The following NEK11 variants were observed in gnomAD, a reference collection of about 807,000 sequenced individuals.
NEK11 encodes NIMA related kinase 11.
A neutral mutation model predicts 80.7 loss-of-function variants in NEK11; 72 were observed. The observed-to-expected ratio is 0.89, with a 90% CI of 0.74 to 1.08. The LOEUF (loss-of-function observed/expected upper bound fraction) is 1.08, where lower values mean the gene tolerates loss of function less well. NEK11 is among the 50% of genes least tolerant of loss of function. The pLI is 0.00. For missense variants in NEK11, 764 were observed against 763.6 expected, an observed-to-expected ratio of 1.00 and a Z score of -0.01; for synonymous variants, 251 against 260.7, an observed-to-expected ratio of 0.96 and a Z score of 0.36.
At chr3:131,332,009 C>A (rs2097095679) in intron 17 of NEK11, among the ~76,000 whole-genome samples, 1 of 152,228 alleles carries the variant, frequency 6.6e-6, no homozygotes, top group Non-Finnish European at 1.5e-5. Flanking sequence ...GGCCTGCCTG[C>A]CTCTGTAGGC....
At chr3:131,273,372 A>G (rs966623298) in intron 16 of NEK11, 106 bp from the exon 17 acceptor site, 125 of 730,080 alleles carry the variant, frequency 1.7e-4, no homozygotes, top group Non-Finnish European at 2.9e-4. Flanking sequence ...TAGCATTACC[A>G]TGTGGCAAAG....
At chr3:131,030,642 C>A (rs950017334) in intron 3 of NEK11, among the ~76,000 whole-genome samples, 1 of 152,124 alleles carries the variant, frequency 6.6e-6, no homozygotes, top group Non-Finnish European at 1.5e-5. Context: ...TTTCAAATTC[C>A]GTAGTCAGAA....
chr3:131,052,617 A>G (rs377299131), intron 3 of NEK11, among the ~76,000 whole-genome samples: 3 of 152,172 alleles, frequency 2.0e-5, no homozygotes, highest in African/African-American at 7.2e-5. Context: ...TTGCCACCGT[A>G]TGTCTCTCGA....
chr3:131,300,598 G>A (rs2096650596), intron 17 of NEK11, among the ~76,000 whole-genome samples: 1 of 152,102 alleles, frequency 6.6e-6, no homozygotes. Context: ...TTCTGCATAT[G>A]GCTAGCCAGT....
chr3:131,319,217 A>G (rs2096874002), intron 17 of NEK11, among the ~76,000 whole-genome samples: 1 of 152,130 alleles, frequency 6.6e-6, no homozygotes. Context: ...AATATAATCA[A>G]TTTTTTCTAA....
chr3:131,253,276 G>A (rs1257154349), intron 16 of NEK11, among the ~76,000 whole-genome samples: 2 of 152,080 alleles, frequency 1.3e-5, no homozygotes, highest in African/African-American at 4.8e-5. Context: ...CTTACATGAA[G>A]GCCCCTCATT....
At chr3:131,306,528 G>T (rs924769480) in intron 17 of NEK11, among the ~76,000 whole-genome samples, 1 of 152,192 alleles carries the variant, frequency 6.6e-6, no homozygotes, top group African/African-American at 2.4e-5. Context: ...GAGTGGGCTA[G>T]AGCTGGTTAT....
rs573438891 is a variant in NEK11, at chr3:131,083,990, C to A, written c.336+3402C>A. Among the ~76,000 whole-genome samples the A allele has an allele frequency of 2.0e-5, 3 of 152,326 alleles. No homozygotes were observed. In the East Asian group the frequency reaches 5.8e-4, roughly 29 times the overall value. On this transcript the variant is annotated intron_variant, in intron 4 of 17. Coordinates refer to ENST00000383366, the MANE Select transcript of NEK11 (RefSeq NM_024800.5). ...GGCCATATCCTCTGAGAATGCCCTT[C>A]CTCCTAGTCCCACATCTTCAAATCT...
intron 14 of NEK11, among the ~76,000 whole-genome samples, chr3:131,226,889 C>T (rs865863037): frequency 1.8e-4 from 27 of 151,802 alleles, no homozygotes; most frequent in African/African-American, 4.8e-4. Context: ...CATACAGACA[C>T]GTGCAGGTGT....
At chr3:131,067,174 G>C (rs929318786) in intron 3 of NEK11, among the ~76,000 whole-genome samples, 1 of 152,092 alleles carries the variant, frequency 6.6e-6, no homozygotes, top group African/African-American at 2.4e-5. Context: ...GTTTCTTATA[G>C]CTTTTAATTA....
At chr3:131,122,345 C>A (rs982352799) in intron 5 of NEK11, among the ~76,000 whole-genome samples, 2 of 152,304 alleles carry the variant, frequency 1.3e-5, no homozygotes, top group African/African-American at 4.8e-5. Flanking sequence ...CCTGCAGTCA[C>A]TTTTTCAAGG....
chr3:131,126,177 C>T (rs2083293303), intron 5 of NEK11, among the ~76,000 whole-genome samples: 5 of 152,142 alleles, frequency 3.3e-5, no homozygotes, highest in Admixed American at 3.3e-4. Context: ...AGTTCTACTT[C>T]CTTTATGTAC....
At chr3:131,122,703 G>A (rs1430550604) in intron 5 of NEK11, among the ~76,000 whole-genome samples, 1 of 152,192 alleles carries the variant, frequency 6.6e-6, no homozygotes, top group African/African-American at 2.4e-5. Context: ...AGGGCTTGAG[G>A]GGAGGTGAGA....
At chr3:131,048,107 G>A (rs1455356690) in intron 3 of NEK11, among the ~76,000 whole-genome samples, 1 of 152,114 alleles carries the variant, frequency 6.6e-6, no homozygotes, top group Non-Finnish European at 1.5e-5. Flanking sequence ...ATCCCAAAAG[G>A]CCAGTGTTAC....
chr3:131,081,073 G>A (rs1458780706), intron 4 of NEK11, among the ~76,000 whole-genome samples: 1 of 152,120 alleles, frequency 6.6e-6, no homozygotes. Context: ...CCATGCCATC[G>A]CTCTCCAGCC....
At chr3:131,343,573 C>T (rs1379421934) in intron 17 of NEK11, among the ~76,000 whole-genome samples, 1 of 152,202 alleles carries the variant, frequency 6.6e-6, no homozygotes, top group African/African-American at 2.4e-5. Flanking sequence ...GGCTTCACCC[C>T]AGCAGCAGGC....
At chr3:131,123,743 A>G (rs960629481) in intron 5 of NEK11, among the ~76,000 whole-genome samples, 1 of 151,994 alleles carries the variant, frequency 6.6e-6, no homozygotes, top group Admixed American at 6.6e-5. Context: ...AAGTTACAGC[A>G]CCAAGTCTTC....
chr3:131,043,692 A>G (rs1560142899), intron 3 of NEK11, among the ~76,000 whole-genome samples: 2 of 152,242 alleles, frequency 1.3e-5, no homozygotes, highest in Admixed American at 6.5e-5. Context: ...AACACTCATC[A>G]GGATATTATC....
intron 17 of NEK11, among the ~76,000 whole-genome samples, chr3:131,340,327 A>G (rs1236864444): frequency 6.6e-6 from 1 of 152,214 alleles, no homozygotes; most frequent in Non-Finnish European, 1.5e-5. Flanking sequence ...AAATTAAAAT[A>G]ATATTTAAAA....
Sources: allele counts gnomAD v4.1 joint callset (sites outside exome capture counted in the v4.1 genomes callset), GRCh38; gene constraint gnomAD v4.1.1; transcripts MANE v1.5; gene names NCBI Gene and HGNC (gene_info 2026-07-23, HGNC 2026-07-21).